NBEA: variants seen among roughly 807,000 people sequenced by gnomAD.
NBEA encodes the protein lysosomal-trafficking regulator 2.
Under a neutral mutation model 343.4 loss-of-function variants are expected in NBEA, and 44 were observed. The ratio of observed to expected loss-of-function variants is 0.13; its 90% confidence interval spans 0.10 to 0.16. NBEA has a LOEUF of 0.16. Among genes scored for constraint, NBEA ranks in the 10% least tolerant of loss-of-function variants. NBEA has a pLI of 1.00. For missense variants in NBEA, 2,555 were observed against 3,631.3 expected (o/e 0.70, Z 7.62); for synonymous variants, 1,175 against 1,238.7 (o/e 0.95, Z 1.08).
rs2038100060 is a variant in NBEA, at chr13:35,321,024, C to A, written c.5903+11432C>A. On this transcript the variant is annotated intron_variant, in intron 36 of 58. Coordinates refer to ENST00000379939, the MANE Select transcript of NBEA (RefSeq NM_001385012.1). ...TTTTTCGAGATTCTTAGCTTCCTTG[C>A]ACTGGGTTAGAAAATGCTGCTTTAG... Among the ~76,000 whole-genome samples, 4 of 152,164 alleles carry A rather than the reference C, an allele frequency of 2.6e-5. 1 individual carries two copies. In the South Asian group the frequency reaches 8.3e-4, roughly 32 times the overall value.
chr13:35,486,999 T>C (rs2076326946), intron 41 of NBEA, among the ~76,000 whole-genome samples: 1 of 151,956 alleles, frequency 6.6e-6, no homozygotes, highest in Non-Finnish European at 1.5e-5. Context: ...GAGTGAAATA[T>C]TTATATACTT....
intron 49 of NBEA, among the ~76,000 whole-genome samples, chr13:35,643,644 G>A (rs2084076247): frequency 6.6e-6 from 1 of 152,128 alleles, no homozygotes; most frequent in African/African-American, 2.4e-5. Flanking sequence ...AAAATCTATA[G>A]TAAAGGAGAA....
chr13:35,015,464 T>C (rs1317299135), intron 1 of NBEA, among the ~76,000 whole-genome samples: 2 of 152,098 alleles, frequency 1.3e-5, no homozygotes, highest in African/African-American at 2.4e-5. Context: ...CCATCCCAGA[T>C]ATCTTTAACA....
chr13:35,221,177 C>T (rs1353277490), intron 33 of NBEA, among the ~76,000 whole-genome samples: 2 of 152,032 alleles, frequency 1.3e-5, no homozygotes, highest in African/African-American at 4.8e-5. Context: ...AACCCCATCT[C>T]TGCTAAAAAT....
chr13:35,249,004 C>T (rs1163046650), intron 34 of NBEA, among the ~76,000 whole-genome samples: 1 of 151,922 alleles, frequency 6.6e-6, no homozygotes, highest in Non-Finnish European at 1.5e-5. Flanking sequence ...GCAAAATTAG[C>T]CGGGCATGTT....
chr13:35,171,228 T>A, intron 25 of NBEA, 44 bp from the exon 26 acceptor site: 1 of 1,542,414 alleles, frequency 6.5e-7, no homozygotes, highest in Non-Finnish European at 8.9e-7. Context: ...TATTTCCAAA[T>A]TTCCAAATTT....
intron 35 of NBEA, 33 bp downstream of exon 35, chr13:35,290,483 A>G: frequency 6.6e-7 from 1 of 1,503,808 alleles, no homozygotes; most frequent in Non-Finnish European, 9.2e-7. Context: ...TTACATTAAT[A>G]TATGAGGGTT....
intron 38 of NBEA, among the ~76,000 whole-genome samples, chr13:35,382,682 C>A (rs569197634): frequency 6.9e-4 from 105 of 152,208 alleles, no homozygotes; most frequent in African/African-American, 2.5e-3. Flanking sequence ...TTTTAAATCA[C>A]AACTTTTTAA....
At chr13:35,095,298 T>A (rs565291298) in intron 10 of NBEA, among the ~76,000 whole-genome samples, 2 of 150,924 alleles carry the variant, frequency 1.3e-5, no homozygotes, top group East Asian at 1.9e-4. Context: ...ATATTTAAAT[T>A]TTAATGGAAT....
chr13:35,343,694 A>G (rs1467576721), intron 36 of NBEA, among the ~76,000 whole-genome samples: 1 of 151,956 alleles, frequency 6.6e-6, no homozygotes, highest in Non-Finnish European at 1.5e-5. Flanking sequence ...AGGAGCATGG[A>G]CCCTATTGTG....
intron 41 of NBEA, among the ~76,000 whole-genome samples, chr13:35,544,363 T>C (rs1379495243): frequency 6.7e-6 from 1 of 149,974 alleles, no homozygotes; most frequent in Non-Finnish European, 1.5e-5. Flanking sequence ...AAGCTATCAC[T>C]AAACAAGTAT....
intron 29 of NBEA, 100 bp downstream of exon 29, chr13:35,182,628 C>G: frequency 9.2e-7 from 1 of 1,090,834 alleles, no homozygotes; most frequent in Non-Finnish European, 1.3e-6. Context: ...ATAATCACCT[C>G]AAATATTTAT....
intron 41 of NBEA, among the ~76,000 whole-genome samples, chr13:35,481,008 G>T (rs1445731410): frequency 6.6e-6 from 1 of 151,874 alleles, no homozygotes; most frequent in Non-Finnish European, 1.5e-5. Flanking sequence ...GTCACTGTTT[G>T]CACAATTTAG....
At chr13:35,422,987 A>G (rs1395774267) in intron 38 of NBEA, among the ~76,000 whole-genome samples, 1 of 151,880 alleles carries the variant, frequency 6.6e-6, no homozygotes, top group Non-Finnish European at 1.5e-5. Context: ...CCATTTGTTG[A>G]TGGGGTTGTT....
chr13:35,195,692 T>C (rs571616306), intron 30 of NBEA, among the ~76,000 whole-genome samples, 172 bp from the exon 31 acceptor site: 3 of 152,256 alleles, frequency 2.0e-5, no homozygotes, highest in African/African-American at 7.2e-5. Context: ...CCATCATGTC[T>C]GGCTGGATGA....
chr13:34,969,323 A>G (rs997372702), intron 1 of NBEA, among the ~76,000 whole-genome samples: 8 of 152,048 alleles, frequency 5.3e-5, no homozygotes, highest in African/African-American at 9.7e-5. Context: ...TTTTAAAAAA[A>G]AAAAACTAAA....
At position 35,159,012 on chromosome 13, in the gene NBEA, T is replaced by C; in HGVS notation, c.2845-4T>C. On this transcript the variant is annotated splice_region_variant and splice_polypyrimidine_tract_variant and intron_variant, in intron 21 of 58. Coordinates refer to ENST00000379939, the MANE Select transcript of NBEA (RefSeq NM_001385012.1). ...CCTTAATGTTTTCTTTACTTATTCC[T>C]AAGGTCACTTATGAAGCTCATAAGG... 2 of 1,570,678 alleles carry C rather than the reference T, an allele frequency of 1.3e-6. No homozygotes were observed. Among genetic ancestry groups the C allele is most frequent in the South Asian group, 2.4e-5 (2 of 83,148 alleles).
intron 38 of NBEA, among the ~76,000 whole-genome samples, chr13:35,354,962 C>A (rs1202335674): frequency 6.6e-6 from 1 of 152,100 alleles, no homozygotes; most frequent in African/African-American, 2.4e-5. Flanking sequence ...TTCTTCCAAA[C>A]CAGTTTCTCT....
chr13:35,302,035 G>A (rs982329277), intron 35 of NBEA, among the ~76,000 whole-genome samples: 2 of 152,058 alleles, frequency 1.3e-5, no homozygotes, highest in East Asian at 1.9e-4. Context: ...TTGAAGCAGC[G>A]CCTCATGGGC....
Sources: gnomAD v4.1 joint callset for allele counts (sites outside exome capture counted in the v4.1 genomes callset) on GRCh38, gnomAD v4.1.1 for gene constraint, MANE v1.5 for transcripts, NCBI Gene and HGNC (gene_info 2026-07-23, HGNC 2026-07-21) for gene names.